Variants in PKIA observed in about 807,000 individuals in gnomAD.
PKIA encodes PKI-alpha.
In PKIA, 4 loss-of-function variants were observed where a neutral mutation model predicts 7.6. That is an observed-to-expected ratio of 0.52 (90% CI 0.26 to 1.20). The LOEUF is 1.20. Among genes scored for constraint, PKIA ranks in the 50% most tolerant of loss-of-function variants. The pLI is 0.13. For synonymous variants in PKIA, 21 were observed against 30.7 expected (o/e 0.68, Z 1.04); for missense variants, 73 against 86.2 (o/e 0.85, Z 0.61).
chr8:78,576,660 A>G (rs1442533899), intron 2 of PKIA, among the ~76,000 whole-genome samples: 1 of 152,048 alleles, frequency 6.6e-6, no homozygotes, highest in African/African-American at 2.4e-5. Flanking sequence ...TTCAAAATCC[A>G]CATGTGGCTA....
At chr8:78,523,980 T>TTATA (rs1448210299) in intron 1 of PKIA, among the ~76,000 whole-genome samples, 2 of 88,436 alleles carry the variant, frequency 2.3e-5, no homozygotes, top group Non-Finnish European at 4.3e-5. Flanking sequence ...ACATTTATAT[T>TTATA]TATAAATATA....
At chr8:78,562,577 T>G (rs576744720) in intron 1 of PKIA, among the ~76,000 whole-genome samples, 10 of 152,300 alleles carry the variant, frequency 6.6e-5, no homozygotes, top group Admixed American at 2.0e-4. Context: ...TGCAGCAAGC[T>G]TGTAGCTATC....
chr8:78,570,289 TAGAG>T (rs1214263324), intron 1 of PKIA, among the ~76,000 whole-genome samples: 1 of 152,092 alleles, frequency 6.6e-6, no homozygotes, highest in Non-Finnish European at 1.5e-5. Context: ...GAAAAGCAGA[TAGAG>T]AGAAACAATG....
rs540684969 is a variant in PKIA at position 78,537,410 on chromosome 8, G to C, written c.-157+20942G>C. Among the ~76,000 whole-genome samples, 13 of 151,910 alleles carry C rather than the reference G, an allele frequency of 8.6e-5. No homozygotes were observed. In the South Asian group the frequency reaches 2.7e-3, roughly 32 times the overall value. The stretch of plus-strand genomic sequence containing the variant: ...TTGTCTGAAGGGTAGACATTTCCTT[G>C]CCTTTAAGAGGTGGAAAGCCACAAG... On this transcript the variant is annotated intron_variant, in intron 1 of 3. Transcript: ENST00000396418.
At chr8:78,534,114 G>A (rs896421599) in intron 1 of PKIA, 11 of 152,074 alleles carry the variant, frequency 7.2e-5, no homozygotes, top group Admixed American at 3.9e-4. Flanking sequence ...ATGACTTGTA[G>A]TAATATTAAT....
At chr8:78,524,210 AT>A (rs1563565842) in intron 1 of PKIA, among the ~76,000 whole-genome samples, 5 of 136,528 alleles carry the variant, frequency 3.7e-5, no homozygotes, top group South Asian at 4.3e-4. Flanking sequence ...ATTTATATAT[AT>A]ATAAACATTT....
Position 78,601,881 on chromosome 8 carries a change from A to G in PKIA, c.*60A>G. On this transcript the variant is annotated 3_prime_UTR_variant, in exon 4 of 4. Coordinates refer to ENST00000396418, the MANE Select transcript of PKIA (RefSeq NM_006823.4). ...GTCTCAAATCTCCAGGAGTATCTGG[A>G]ATGCATTTGTTTCCATGAGTGAAAA... 1 of 1,285,036 alleles carries G rather than the reference A, an allele frequency of 7.8e-7. No individual in the cohort carries two copies. The highest frequency in any genetic ancestry group is 1.1e-6 in the Non-Finnish European group (1 of 888,924). The allele number at this position is 1,285,036 out of a possible 1,614,324, so 79.6% of individuals were successfully genotyped here.
At chr8:78,573,853 CA>C in intron 2 of PKIA, among the ~76,000 whole-genome samples, 1 of 151,990 alleles carries the variant, frequency 6.6e-6, no homozygotes, top group South Asian at 2.1e-4. Flanking sequence ...AATAAGTCCC[CA>C]TGATTCTAAG....
chr8:78,583,653 A>G (rs1205818527), intron 2 of PKIA, among the ~76,000 whole-genome samples: 1 of 152,112 alleles, frequency 6.6e-6, no homozygotes, highest in African/African-American at 2.4e-5. Flanking sequence ...CAGTAAGTCT[A>G]AAAACACATT....
chr8:78,563,256 G>T (rs1807325799), intron 1 of PKIA, among the ~76,000 whole-genome samples: 1 of 152,120 alleles, frequency 6.6e-6, no homozygotes, highest in Non-Finnish European at 1.5e-5. Context: ...CATTTGTAGT[G>T]TGGGAATTAT....
chr8:78,573,214 GAGC>G (rs1456589306), intron 2 of PKIA, among the ~76,000 whole-genome samples: 1 of 152,060 alleles, frequency 6.6e-6, no homozygotes, highest in Admixed American at 6.6e-5. Context: ...TAGGCCTGTG[GAGC>G]AGCAGATTAA....
intron 1 of PKIA, among the ~76,000 whole-genome samples, chr8:78,519,275 A>G (rs188582548): frequency 6.6e-6 from 1 of 152,098 alleles, no homozygotes; most frequent in Non-Finnish European, 1.5e-5. Context: ...CTAACAAAAT[A>G]TCTTTTTCTG....
intron 2 of PKIA, among the ~76,000 whole-genome samples, chr8:78,575,504 T>C (rs7814526): frequency 0.011 from 1,643 of 152,088 alleles, 24 homozygotes; most frequent in African/African-American, 0.038. Context: ...TGTACAAATG[T>C]AAAAAATGTG....
chr8:78,564,679 G>T (rs1002664641), intron 1 of PKIA, among the ~76,000 whole-genome samples: 1 of 151,610 alleles, frequency 6.6e-6, no homozygotes, highest in African/African-American at 2.4e-5. Flanking sequence ...ATATAAAGGT[G>T]TTCATTGTCC....
Position 78,601,783 on chromosome 8 carries a change from G to A in PKIA, c.193G>A (p.Gly65Arg). The A allele has an allele frequency of 6.2e-7, 1 of 1,612,402 alleles. No homozygotes were observed. ...ACAACGAAGTTCTACAGAACAAAGTGGGGAAGCCCAGGGAGAAGCAGCAAA... is the reference window on the plus strand; with the variant it reads ...ACAACGAAGTTCTACAGAACAAAGTAGGGAAGCCCAGGGAGAAGCAGCAAA... ...DAQRSSTEQS[G>R]EAQGEAAKSE... Residue 65 changes from glycine (G) to arginine (R), a missense_variant, in exon 4 of 4, where the codon GGG becomes AGG. Coordinates refer to ENST00000396418, the MANE Select transcript of PKIA (RefSeq NM_006823.4).
chr8:78,530,237 G>A (rs1366351575), intron 1 of PKIA, among the ~76,000 whole-genome samples: 1 of 152,018 alleles, frequency 6.6e-6, no homozygotes, highest in Non-Finnish European at 1.5e-5. Flanking sequence ...CAAAGTTCAT[G>A]AAATGTAGTA....
At chr8:78,518,618 T>C (rs924813152) in intron 1 of PKIA, among the ~76,000 whole-genome samples, 1 of 152,180 alleles carries the variant, frequency 6.6e-6, no homozygotes, top group Non-Finnish European at 1.5e-5. Flanking sequence ...CGTGAGAATA[T>C]CCTAATGATG....
intron 1 of PKIA, among the ~76,000 whole-genome samples, chr8:78,521,293 T>C (rs892129819): frequency 1.3e-5 from 2 of 152,084 alleles, no homozygotes; most frequent in African/African-American, 4.8e-5. Flanking sequence ...TTCAGTAATA[T>C]ATTTGCTTTT....
chr8:78,536,492 A>G (rs1000108543), intron 1 of PKIA, among the ~76,000 whole-genome samples: 17 of 152,210 alleles, frequency 1.1e-4, no homozygotes, highest in African/African-American at 3.6e-4. Context: ...AGACAATCCA[A>G]TTCTAGTTAC....
Sources: allele counts gnomAD v4.1 joint callset (sites outside exome capture counted in the v4.1 genomes callset), GRCh38; gene constraint gnomAD v4.1.1; transcripts MANE v1.5; gene names NCBI Gene and HGNC (gene_info 2026-07-23, HGNC 2026-07-21).